Variants in ATP1B2 observed in about 807,000 individuals in gnomAD.
The protein encoded by ATP1B2 is ATPase Na+/K+ transporting subunit beta 2.
In ATP1B2, 12 loss-of-function variants were observed where a neutral mutation model predicts 37.3. That is an observed-to-expected ratio of 0.32 (90% CI 0.21 to 0.52). The LOEUF is 0.52. ATP1B2 is among the 20% of genes least tolerant of loss of function. The pLI, the probability that ATP1B2 is intolerant of heterozygous loss-of-function variation, is 0.96. For synonymous variants in ATP1B2, 139 were observed against 140.5 expected, an observed-to-expected ratio of 0.99 and a Z score of 0.07; for missense variants, 324 against 391.6, an observed-to-expected ratio of 0.83 and a Z score of 1.46.
intron 1 of ATP1B2, among the ~76,000 whole-genome samples, chr17:7,652,440 G>C (rs1056982353): frequency 6.6e-6 from 1 of 152,106 alleles, no homozygotes; most frequent in East Asian, 1.9e-4. Context: ...TTGAGACACA[G>C]GGGACAGAGG....
At chr17:7,651,745 C>G (rs2072614742) in intron 1 of ATP1B2, 115 bp downstream of exon 1, 1 of 892,374 alleles carries the variant, frequency 1.1e-6, no homozygotes, top group Admixed American at 3.3e-5. Context: ...CGTCCAGCCT[C>G]CCTGCCGGGC....
rs548647471 is a variant in ATP1B2 at position 7,653,400 on chromosome 17, T to G, written c.139T>G (p.Phe47Val). ...WAFILLFYLV[F>V]YGFLTAMFTL... is the part of the protein sequence containing the mutation. ...CTTTATCCTCCTCTTCTACCTCGTT[T>G]TTTATGGGTTCCTCACCGCCATGTT... Residue 47 changes from phenylalanine (F) to valine (V), a missense_variant, in exon 2 of 7, where the codon TTT (phenylalanine) becomes GTT (valine). Transcript: ENST00000250111. 10 of 1,614,102 alleles carry G rather than the reference T, an allele frequency of 6.2e-6. No individual in the cohort carries two copies. The South Asian group carries it at 9.9e-5, about 16-fold the overall frequency.
intron 1 of ATP1B2, 125 bp from the exon 2 acceptor site, chr17:7,653,249 G>A: frequency 1.4e-6 from 2 of 1,425,504 alleles, no homozygotes; most frequent in Non-Finnish European, 1.9e-6. Context: ...AAGGCTCTAA[G>A]ACATCCCTGT....
At chr17:7,650,272 T>G (rs1192082032), upstream of ATP1B2, among the ~76,000 whole-genome samples, 1 of 152,016 alleles carries the variant, frequency 6.6e-6, no homozygotes, top group African/African-American at 2.4e-5. Context: ...GAATGTGGTG[T>G]TGAGAGGGCT....
At chr17:7,653,784 C>T in intron 2 of ATP1B2, 57 bp from the exon 3 acceptor site, 1 of 1,538,758 alleles carries the variant, frequency 6.5e-7, no homozygotes. Flanking sequence ...TTTCTTCCCT[C>T]TGTGTGCAGT....
rs368911633 is a variant in ATP1B2, at chr17:7,655,690, G to A, written c.709-41G>A. The A allele has an allele frequency of 7.1e-5, 114 of 1,613,766 alleles. No individual in the cohort carries two copies. Among genetic ancestry groups the A allele is most frequent in the South Asian group, 2.0e-4 (18 of 91,088 alleles). On this transcript the variant is annotated intron_variant, in intron 6 of 6. Transcript: ENST00000250111. This position sits in a 1 kb window ranked among gnomAD's most constrained non-coding sequence, Gnocchi z 4.4. ...GTGGTGAGCTAGGGAAGGAGGCCGC[G>A]TTGCCCCAGGCCTAGACCCTGCACT...
intron 1 of ATP1B2, among the ~76,000 whole-genome samples, chr17:7,652,734 G>A (rs1179309548): frequency 6.6e-6 from 1 of 152,172 alleles, no homozygotes; most frequent in African/African-American, 2.4e-5. Context: ...CCCACCAAGG[G>A]AAGGCTGTGG....
upstream of ATP1B2, among the ~76,000 whole-genome samples, chr17:7,649,492 A>G (rs1181326000): frequency 6.6e-6 from 1 of 151,440 alleles, no homozygotes. Flanking sequence ...GGTTCAAGCA[A>G]TTCTCCTGCT....
At chr17:7,652,174 A>G (rs1249323825) in intron 1 of ATP1B2, among the ~76,000 whole-genome samples, 3 of 151,912 alleles carry the variant, frequency 2.0e-5, no homozygotes, top group Non-Finnish European at 4.4e-5. Context: ...TGCTGATAGT[A>G]TGAGTTTTAC....
chr17:7,655,725 G>C lies in ATP1B2; in HGVS notation c.709-6G>C. The C allele has an allele frequency of 1.9e-6, 3 of 1,614,066 alleles. No individual in the cohort carries two copies. In the South Asian group the frequency reaches 3.3e-5, roughly 18 times the overall value. On this transcript the variant is annotated splice_polypyrimidine_tract_variant and splice_region_variant and intron_variant, in intron 6 of 6. Coordinates refer to ENST00000250111, the MANE Select transcript of ATP1B2 (RefSeq NM_001678.5). This position sits in a 1 kb window ranked among gnomAD's most constrained non-coding sequence, Gnocchi z 4.4. ...GCCTAGACCCTGCACTGCTCCTCCG[G>C]CCCAGGTGAACTACACACAGCCCCT...
At position 7,657,279 on chromosome 17, in the gene ATP1B2, A is replaced by G. The variant is rs940216745; in HGVS notation, c.*1384A>G. ...TCTGGCTTCTTTTAGCAAGTTATCA[A>G]CTAATCACTAACTCCTTCCTTTTCC... On this transcript the variant is annotated 3_prime_UTR_variant, in exon 7 of 7. Coordinates refer to ENST00000250111, the MANE Select transcript of ATP1B2 (RefSeq NM_001678.5). 6.6e-6 allele frequency: 1 copy of G among 152,182 alleles called. No individual in the cohort carries two copies. Among genetic ancestry groups the G allele is most frequent in the African/African-American group, 2.4e-5 (1 of 41,396 alleles). The allele number at this position is 152,182 out of a possible 1,614,324, so 9.4% of individuals were successfully genotyped here. A position where few individuals can be genotyped will look rare whatever the true frequency, so the allele number is the denominator to read the frequency against.
rs2072642533 is a variant in ATP1B2, at chr17:7,655,297, C to T, written c.610-230C>T. ...AGGAGTGGAGTAGGAGGCTTTCGTG[C>T]CATTAGCAGCCTTCAGGAGTTCCTA... On this transcript the variant is annotated intron_variant, in intron 5 of 6. Coordinates refer to ENST00000250111, the MANE Select transcript of ATP1B2 (RefSeq NM_001678.5). This position sits in a 1 kb window ranked among gnomAD's most constrained non-coding sequence, Gnocchi z 4.4. 1.7e-6 allele frequency: 1 copy of T among 579,664 alleles called. No individual in the cohort carries two copies. Among genetic ancestry groups the T allele is most frequent in the South Asian group, 2.1e-5 (1 of 47,310 alleles). The allele number at this position is 579,664 out of a possible 1,614,324, so 35.9% of individuals were successfully genotyped here.
Position 7,654,143 on chromosome 17 carries a change from C to T in ATP1B2, c.438C>T (p.Pro146=), listed in dbSNP as rs762635037. The T allele has an allele frequency of 6.2e-7, 1 of 1,614,200 alleles. No homozygotes were observed. The highest frequency in any genetic ancestry group is 1.1e-5 in the South Asian group (1 of 91,090). The stretch of plus-strand genomic sequence containing the variant: ...CAGATAATGGAGTCCTCAACTACCC[C>T]AAACGTGCCTGCCAATTCAACCGGA... ...EQPDNGVLNY[P]KRACQFNRTQ... is the part of the protein sequence containing the mutation. Residue 146 remains proline, a synonymous_variant, in exon 4 of 7, where the codon CCC becomes CCT. Coordinates refer to ENST00000250111, the MANE Select transcript of ATP1B2 (RefSeq NM_001678.5). The surrounding 1 kb of genome is among the most constrained non-coding windows in gnomAD (Gnocchi z 4.9).
rs1431948026 is a variant in ATP1B2, at chr17:7,651,619, G to A, written c.101G>A (p.Gly34Glu). 1 of 1,599,782 alleles carries A rather than the reference G, an allele frequency of 6.3e-7. No homozygotes were observed. The highest frequency in any genetic ancestry group is 8.5e-7 in the Non-Finnish European group (1 of 1,173,864). Residue 34 changes from glycine (G) to glutamate (E), a missense_variant, in exon 1 of 7, where the codon GGG becomes GAG. Transcript: ENST00000250111. ...PRTHQFMGRT[G>E]TSWAFILLFY... ...ACGCACCAGTTTATGGGCCGCACCG[G>A]GACCAGCTGGGGTACGCAGGGCCGG...
At position 7,654,486 on chromosome 17, in the gene ATP1B2, C is replaced by A; in HGVS notation, c.553-142C>A. On this transcript the variant is annotated intron_variant, in intron 4 of 6. Transcript: ENST00000250111. The surrounding 1 kb of genome is among the most constrained non-coding windows in gnomAD (Gnocchi z 4.9). Reference sequence around the variant, plus strand: ...GGTCTTGCTATGTTGCCCAGGCTGGCCTTGAACTCCTGGAATTAAGCTATC... The same window carrying A: ...GGTCTTGCTATGTTGCCCAGGCTGGACTTGAACTCCTGGAATTAAGCTATC... The A allele has an allele frequency of 1.9e-6, 2 of 1,037,528 alleles. No homozygotes were observed. Among genetic ancestry groups the A allele is most frequent in the South Asian group, 1.4e-5 (1 of 71,052 alleles). The allele number at this position is 1,037,528 out of a possible 1,614,324, so 64.3% of individuals were successfully genotyped here. A position where few individuals can be genotyped will look rare whatever the true frequency, so the allele number is the denominator to read the frequency against.
Position 7,654,200 on chromosome 17 carries a change from C to G in ATP1B2, c.495C>G (p.Asp165Glu). Reference sequence around the variant, plus strand: ...TGGGCAACTGCTCCGGCATTGGGGACTCCACCCACTATGGTTACAGCACTG... The same window carrying G: ...TGGGCAACTGCTCCGGCATTGGGGAGTCCACCCACTATGGTTACAGCACTG... Reference protein sequence around the residue: ...TQLGNCSGIGDSTHYGYSTGQ... With the variant: ...TQLGNCSGIGESTHYGYSTGQ... The change falls in exon 4 of 7, where the codon GAC (aspartate) becomes GAG (glutamate). Residue 165 changes from aspartate to glutamate, a missense_variant. Transcript: ENST00000250111. This position sits in a 1 kb window ranked among gnomAD's most constrained non-coding sequence, Gnocchi z 4.9. 1 of 1,614,184 alleles carries G rather than the reference C, an allele frequency of 6.2e-7. No individual in the cohort carries two copies. The highest frequency in any genetic ancestry group is 8.5e-7 in the Non-Finnish European group (1 of 1,180,020).
upstream of ATP1B2, among the ~76,000 whole-genome samples, chr17:7,649,038 C>A (rs1035053598): frequency 4.1e-5 from 6 of 144,770 alleles, no homozygotes; most frequent in African/African-American, 1.7e-4. Flanking sequence ...AACTCCCATT[C>A]ATTCATTCAT....
rs2072639760 is a variant in ATP1B2, at chr17:7,654,907, C to G, written c.609+223C>G. On this transcript the variant is annotated intron_variant, in intron 5 of 6. Transcript: ENST00000250111. This position sits in a 1 kb window ranked among gnomAD's most constrained non-coding sequence, Gnocchi z 4.9. ...TCTCTCTGGGATGCAGAGGCCTGCTCTCCTAGGGGCCAGACACACGCCCTC... is the reference window on the plus strand; with the variant it reads ...TCTCTCTGGGATGCAGAGGCCTGCTGTCCTAGGGGCCAGACACACGCCCTC... 1.8e-6 allele frequency: 1 copy of G among 557,150 alleles called. No homozygotes were observed. Among genetic ancestry groups the G allele is most frequent in the Non-Finnish European group, 3.2e-6 (1 of 311,434 alleles). 34.5% of individuals were successfully genotyped at this position (557,150 alleles called of 1,614,324 possible). A position where few individuals can be genotyped will look rare whatever the true frequency, so the allele number is the denominator to read the frequency against.
At position 7,655,681 on chromosome 17, in the gene ATP1B2, G is replaced by T. The variant is rs762432825; in HGVS notation, c.709-50G>T. On this transcript the variant is annotated intron_variant, in intron 6 of 6. Coordinates refer to ENST00000250111, the MANE Select transcript of ATP1B2 (RefSeq NM_001678.5). This position sits in a 1 kb window ranked among gnomAD's most constrained non-coding sequence, Gnocchi z 4.4. ...CGGGTGCGGGTGGTGAGCTAGGGAAGGAGGCCGCGTTGCCCCAGGCCTAGA... is the reference window on the plus strand; with the variant it reads ...CGGGTGCGGGTGGTGAGCTAGGGAATGAGGCCGCGTTGCCCCAGGCCTAGA... 107 of 1,613,792 alleles carry T rather than the reference G, an allele frequency of 6.6e-5. No individual in the cohort carries two copies. The South Asian group carries it at 1.1e-3, about 17-fold the overall frequency.
Sources: allele counts gnomAD v4.1 joint callset (sites outside exome capture counted in the v4.1 genomes callset), GRCh38; gene constraint gnomAD v4.1.1; non-coding constraint Gnocchi (gnomAD v3.1); transcripts MANE v1.5; gene names NCBI Gene and HGNC (gene_info 2026-07-23, HGNC 2026-07-21).